The following CD163L1 variants were observed in gnomAD, a reference collection of about 807,000 sequenced individuals.
CD163L1 encodes the protein CD163 molecule like 1.
CD163L1 carries 124 observed loss-of-function variants against 165.4 expected under a neutral mutation model. The ratio of observed to expected loss-of-function variants is 0.75; its 90% CI spans 0.65 to 0.87. CD163L1 has a LOEUF of 0.87. Ranked by LOEUF, CD163L1 falls within the 40% of genes least tolerant of loss-of-function variation. The pLI is 0.00. For missense variants in CD163L1, 1,525 were observed against 1,799.9 expected (o/e 0.85, Z 2.76); for synonymous variants, 585 against 662.2 (o/e 0.88, Z 1.79).
intron 2 of CD163L1, 50 bp downstream of exon 2, chr12:7,441,104 G>C (rs374371716): frequency 7.7e-6 from 10 of 1,299,502 alleles, no homozygotes; most frequent in South Asian, 4.8e-5. Context: ...GTAGGGGAAA[G>C]GTAGAATAGA....
At chr12:7,348,577 C>A (rs937524340) in intron 4 of CD163L1, among the ~76,000 whole-genome samples, 1 of 151,978 alleles carries the variant, frequency 6.6e-6, no homozygotes, top group Non-Finnish European at 1.5e-5. Context: ...CATTTATAAG[C>A]TTTGTTACCT....
intron 4 of CD163L1, among the ~76,000 whole-genome samples, chr12:7,413,511 G>C (rs191685562): frequency 1.3e-5 from 2 of 152,262 alleles, no homozygotes; most frequent in African/African-American, 4.8e-5. Context: ...TGCCATGTAG[G>C]ATGCCTCACC....
intron 8 of CD163L1, among the ~76,000 whole-genome samples, chr12:7,380,767 A>C (rs1264723936): frequency 6.6e-6 from 1 of 152,168 alleles, no homozygotes; most frequent in East Asian, 1.9e-4. Context: ...TGTTCCCTAA[A>C]AACCTATGGA....
At chr12:7,442,959 A>G (rs1386340050) in intron 1 of CD163L1, among the ~76,000 whole-genome samples, 1 of 152,242 alleles carries the variant, frequency 6.6e-6, no homozygotes, top group African/African-American at 2.4e-5. Context: ...GTGACCTTCT[A>G]TATATCTAAT....
chr12:7,396,416 C>T lies in CD163L1; in HGVS notation c.1730-1G>A. ...AGCCTCAGGCCCCATGTTGCATCAC[C>T]TGCACCAAGAACAATGAAGCAAGTA... On this transcript the variant is annotated splice_acceptor_variant, in intron 7 of 19. Transcript: ENST00000313599. LOFTEE classifies it high-confidence loss of function. The T allele has an allele frequency of 6.3e-7, 1 of 1,598,514 alleles. No homozygotes were observed. The highest frequency in any genetic ancestry group is 8.6e-7 in the Non-Finnish European group (1 of 1,169,106).
chr12:7,319,640 C>T, the CD163L1 span, among the ~76,000 whole-genome samples: 1 of 151,886 alleles, frequency 6.6e-6, no homozygotes, highest in South Asian at 2.1e-4. Flanking sequence ...CTCACCTTGC[C>T]CCGCCACTCA....
In CD163L1 at chr12:7,375,384, C is replaced by A. The variant is rs200839623; in HGVS notation, c.2898G>T (p.Arg966Ser). 7 of 1,614,026 alleles carry A rather than the reference C, an allele frequency of 4.3e-6. No homozygotes were observed. The highest frequency in any genetic ancestry group is 4.0e-5 in the African/African-American group (3 of 74,888). The change falls in exon 11 of 20, where the codon AGG (arginine) becomes AGT (serine). Residue 966 changes from arginine to serine, a missense_variant. By Grantham distance (110) the Arg-to-Ser change is moderately radical. Transcript: ENST00000313599. ...GTGACTCATTCCCTAAGCAATGAAA[C>A]CTGTGTCCCCACACACGAACACTTC... is the stretch of plus-strand genomic sequence containing the variant. ...GERSVRVWGH[R>S]FHCLGNESLL...
intron 8 of CD163L1, among the ~76,000 whole-genome samples, chr12:7,390,692 G>C (rs1015524343): frequency 2.6e-5 from 4 of 152,134 alleles, no homozygotes; most frequent in African/African-American, 9.7e-5. Flanking sequence ...GTCTATATCA[G>C]AGCTTAATGA....
intron 8 of CD163L1, among the ~76,000 whole-genome samples, chr12:7,389,234 G>T (rs188948656): frequency 6.6e-5 from 10 of 152,200 alleles, no homozygotes; most frequent in African/African-American, 2.4e-4. Flanking sequence ...AGTGTTCAAG[G>T]GTTCCCTTTT....
At chr12:7,437,207 T>TA (rs1447856982) in intron 2 of CD163L1, among the ~76,000 whole-genome samples, 29 of 136,982 alleles carry the variant, frequency 2.1e-4, no homozygotes, top group African/African-American at 8.2e-4. Flanking sequence ...AGTATTACTT[T>TA]TTTATTTTAA....
At chr12:7,431,129 G>A (rs1488093485) in intron 4 of CD163L1, among the ~76,000 whole-genome samples, 1 of 152,022 alleles carries the variant, frequency 6.6e-6, no homozygotes, top group African/African-American at 2.4e-5. Flanking sequence ...GTGAAAAGAA[G>A]CCGCATTCTT....
At chr12:7,411,777 G>A (rs1948142249) in intron 4 of CD163L1, among the ~76,000 whole-genome samples, 2 of 152,156 alleles carry the variant, frequency 1.3e-5, no homozygotes, top group South Asian at 4.1e-4. Context: ...CCCAACCATA[G>A]TGTTTGCATA....
At chr12:7,329,336 A>ATTTTTTTTT in the CD163L1 span, among the ~76,000 whole-genome samples, 2 of 139,074 alleles carry the variant, frequency 1.4e-5, no homozygotes, top group African/African-American at 2.7e-5. Flanking sequence ...ACCATATTTA[A>ATTTTTTTTT]TTTTTTTTTC....
the CD163L1 span, among the ~76,000 whole-genome samples, chr12:7,322,808 GC>G: frequency 3.9e-5 from 6 of 152,196 alleles, no homozygotes; most frequent in African/African-American, 1.4e-4. Flanking sequence ...TCAGAACTGA[GC>G]AGCTCATCTT....
chr12:7,337,096 T>C, the CD163L1 span, among the ~76,000 whole-genome samples: 1 of 152,020 alleles, frequency 6.6e-6, no homozygotes, highest in Non-Finnish European at 1.5e-5. Context: ...AATAATGATG[T>C]TGGGAAAACT....
chr12:7,419,306 A>G (rs1052069753), intron 4 of CD163L1, among the ~76,000 whole-genome samples: 6 of 152,152 alleles, frequency 3.9e-5, no homozygotes, highest in Non-Finnish European at 8.8e-5. Flanking sequence ...AAAATCCAGC[A>G]TCACTTTGTG....
intron 5 of CD163L1, among the ~76,000 whole-genome samples, chr12:7,404,729 G>T (rs190578473): frequency 6.6e-6 from 1 of 152,038 alleles, no homozygotes; most frequent in African/African-American, 2.4e-5. Context: ...GTTAGTCTTC[G>T]GAGATTTGGA....
rs1222362392 is a variant in CD163L1 at position 7,421,499 on chromosome 12, GTACATA to G, written c.766+10911_766+10916del. 1.2e-4 allele frequency among the ~76,000 whole-genome samples: 11 copies of G among 88,536 alleles called. 1 individual carries two copies. The highest frequency in any genetic ancestry group is 7.0e-4 in the African/African-American group (10 of 14,332). The allele number at this position is 88,536 out of a possible 152,430, so 58.1% of individuals were successfully genotyped here. A position where few individuals can be genotyped will look rare whatever the true frequency, so the allele number is the denominator to read the frequency against. ...CATATATGTACATATATACATATAT[GTACATA>G]TACATATACATATATGTACATATAT... On this transcript the variant is annotated intron_variant, in intron 4 of 19. Transcript: ENST00000313599.
intron 5 of CD163L1, among the ~76,000 whole-genome samples, chr12:7,406,294 T>C (rs374294879): frequency 7.2e-5 from 11 of 152,250 alleles, no homozygotes; most frequent in African/African-American, 2.2e-4. Context: ...AGTAAAATGG[T>C]GTGTTGGGGG....
Sources: gnomAD v4.1 joint callset for allele counts (sites outside exome capture counted in the v4.1 genomes callset) on GRCh38, gnomAD v4.1.1 for gene constraint, MANE v1.5 for transcripts, NCBI Gene and HGNC (gene_info 2026-07-23, HGNC 2026-07-21) for gene names.